Variants in CNTN5 observed in about 807,000 individuals in gnomAD.
CNTN5 encodes contactin-5.
CNTN5 carries 77 observed loss-of-function variants against 129.1 expected under a neutral mutation model. The ratio of observed to expected loss-of-function variants is 0.60; its 90% CI spans 0.50 to 0.72. CNTN5 has a LOEUF of 0.72. Among genes scored for constraint, CNTN5 ranks in the 30% least tolerant of loss-of-function variants. The pLI is 0.00. For missense variants in CNTN5, 1,478 were observed against 1,328.8 expected (o/e 1.11, Z -1.75); for synonymous variants, 509 against 465.6 (o/e 1.09, Z -1.20).
intron 2 of CNTN5, among the ~76,000 whole-genome samples, chr11:99,534,486 A>G (rs1947829409): frequency 6.7e-6 from 1 of 149,640 alleles, no homozygotes; most frequent in South Asian, 2.2e-4. Flanking sequence ...AATGCCTTCT[A>G]AAAATCAACA....
intron 8 of CNTN5, among the ~76,000 whole-genome samples, chr11:99,964,904 G>T (rs2136203680): frequency 6.6e-6 from 1 of 152,226 alleles, no homozygotes; most frequent in African/African-American, 2.4e-5. Flanking sequence ...TGTATGTGTT[G>T]AGGAATTTAT....
At chr11:99,471,253 G>A (rs1358351355) in intron 2 of CNTN5, among the ~76,000 whole-genome samples, 5 of 151,842 alleles carry the variant, frequency 3.3e-5, no homozygotes, top group Non-Finnish European at 5.9e-5. Flanking sequence ...GTAGCCATCT[G>A]CTTCCAGAAT....
intron 2 of CNTN5, among the ~76,000 whole-genome samples, chr11:99,339,767 G>T (rs1183142747): frequency 2.2e-5 from 3 of 136,446 alleles, no homozygotes; most frequent in Non-Finnish European, 3.1e-5. Context: ...GCGCTACAGA[G>T]TGAGACTCCG....
chr11:99,651,587 G>A (rs146917201), intron 3 of CNTN5, among the ~76,000 whole-genome samples: 1 of 151,916 alleles, frequency 6.6e-6, no homozygotes, highest in East Asian at 1.9e-4. Flanking sequence ...AAAATATTTT[G>A]TTTTATTTTT....
At chr11:99,350,164 C>G (rs1236993384) in intron 2 of CNTN5, among the ~76,000 whole-genome samples, 2 of 152,058 alleles carry the variant, frequency 1.3e-5, no homozygotes, top group Non-Finnish European at 2.9e-5. Context: ...GTATTTTAGC[C>G]TAGGTGACTG....
intron 13 of CNTN5, among the ~76,000 whole-genome samples, chr11:100,078,458 A>G (rs1054087957): frequency 5.3e-5 from 8 of 152,130 alleles, no homozygotes; most frequent in African/African-American, 1.9e-4. Context: ...TATATCACAG[A>G]ATGATCAATA....
chr11:99,950,530 C>A (rs747891425), intron 7 of CNTN5, among the ~76,000 whole-genome samples: 1 of 152,196 alleles, frequency 6.6e-6, no homozygotes, highest in Non-Finnish European at 1.5e-5. Flanking sequence ...TTGGTACTAA[C>A]CAAGAGTCAG....
At chr11:99,728,169 TG>T (rs1390015292) in intron 3 of CNTN5, among the ~76,000 whole-genome samples, 1 of 151,996 alleles carries the variant, frequency 6.6e-6, no homozygotes, top group African/African-American at 2.4e-5. Flanking sequence ...TTTCAATATA[TG>T]TTTAGAAAAA....
chr11:99,450,270 A>G (rs1944246119), intron 2 of CNTN5, among the ~76,000 whole-genome samples: 1 of 148,736 alleles, frequency 6.7e-6, no homozygotes, highest in Admixed American at 6.8e-5. Flanking sequence ...ATATATATAT[A>G]TATATATATA....
At chr11:99,097,915 T>C (rs1866551540) in intron 1 of CNTN5, among the ~76,000 whole-genome samples, 1 of 151,998 alleles carries the variant, frequency 6.6e-6, no homozygotes, top group Non-Finnish European at 1.5e-5. Context: ...AAATAAGATT[T>C]TAAAAATCAA....
intron 13 of CNTN5, among the ~76,000 whole-genome samples, chr11:100,094,988 T>A (rs1339004668): frequency 6.6e-6 from 1 of 152,130 alleles, no homozygotes; most frequent in African/African-American, 2.4e-5. Flanking sequence ...ACAAATATAT[T>A]TAAAAATTAC....
intron 15 of CNTN5, among the ~76,000 whole-genome samples, chr11:100,221,189 G>A (rs564273880): frequency 6.6e-5 from 10 of 152,170 alleles, no homozygotes; most frequent in Non-Finnish European, 1.2e-4. Flanking sequence ...AAAAGAAAGA[G>A]CACCTGCAAC....
intron 3 of CNTN5, among the ~76,000 whole-genome samples, chr11:99,695,369 C>A (rs189360936): frequency 9.3e-4 from 142 of 152,022 alleles, no homozygotes; most frequent in Non-Finnish European, 1.7e-3. Context: ...TGTATATTTT[C>A]AAATGTCTGA....
At chr11:99,140,164 C>T (rs1023674345) in intron 1 of CNTN5, among the ~76,000 whole-genome samples, 2 of 152,100 alleles carry the variant, frequency 1.3e-5, no homozygotes, top group African/African-American at 4.8e-5. Flanking sequence ...AAACTTAGAA[C>T]TGCACAAGTT....
At position 99,441,524 on chromosome 11, in the gene CNTN5, C is replaced by G. The variant is rs149164806; in HGVS notation, c.-70-114621C>G. ...AATGTTCTGGCATAGCCTATATTTC[C>G]TCCAATGTGAAACTGCAAAATTCTC... On this transcript the variant is annotated intron_variant, in intron 2 of 24. Coordinates refer to ENST00000524871, the MANE Select transcript of CNTN5 (RefSeq NM_014361.4). Among the ~76,000 whole-genome samples, 658 of 152,214 alleles carry G rather than the reference C, an allele frequency of 4.3e-3. 2 individuals carry two copies. Among genetic ancestry groups the G allele is most frequent in the Non-Finnish European group, 6.3e-3 (430 of 67,996 alleles).
chr11:99,425,166 T>G (rs76421284), intron 2 of CNTN5, among the ~76,000 whole-genome samples: 1 of 152,046 alleles, frequency 6.6e-6, no homozygotes, highest in East Asian at 1.9e-4. Flanking sequence ...AAGGGAAAAA[T>G]TGTGTGCTGA....
chr11:99,732,114 A>G (rs1474631340), intron 3 of CNTN5, among the ~76,000 whole-genome samples: 1 of 152,234 alleles, frequency 6.6e-6, no homozygotes, highest in African/African-American at 2.4e-5. Flanking sequence ...GAGTTTCATC[A>G]GGCAAGGTAA....
chr11:99,875,338 ATTTG>A (rs72377330), intron 6 of CNTN5, among the ~76,000 whole-genome samples: 24,706 of 152,024 alleles, frequency 0.16, 2,081 homozygotes, highest in Non-Finnish European at 0.17. Context: ...TAGTTCATAG[ATTTG>A]TTTGAATCTG....
chr11:99,934,435 G>T (rs1287673968), intron 7 of CNTN5, among the ~76,000 whole-genome samples: 1 of 152,096 alleles, frequency 6.6e-6, no homozygotes, highest in Non-Finnish European at 1.5e-5. Flanking sequence ...TATATTGGAG[G>T]TCCACGTGCA....
Sources: gnomAD v4.1 joint callset for allele counts (sites outside exome capture counted in the v4.1 genomes callset) on GRCh38, gnomAD v4.1.1 for gene constraint, MANE v1.5 for transcripts, NCBI Gene and HGNC (gene_info 2026-07-23, HGNC 2026-07-21) for gene names.